The following PLEKHG5 variants were observed in gnomAD, a reference collection of about 807,000 sequenced individuals.
PLEKHG5 encodes pleckstrin homology and RhoGEF domain containing G5, also known as pleckstrin homology domain-containing family G member 5.
A neutral mutation model predicts 103.8 loss-of-function variants in PLEKHG5; 52 were observed. That is an observed-to-expected ratio of 0.50 (90% CI 0.40 to 0.63). PLEKHG5 has a LOEUF of 0.63. Ranked by LOEUF, PLEKHG5 falls within the 30% of genes least tolerant of loss-of-function variation. PLEKHG5 has a pLI of 0.00. For missense variants in PLEKHG5, 1,205 were observed against 1,347.6 expected (o/e 0.89, Z 1.66); for synonymous variants, 592 against 575.5 (o/e 1.03, Z -0.41).
At chr1:6,478,119 C>T (rs532053676) in intron 1 of PLEKHG5, among the ~76,000 whole-genome samples, 3 of 152,230 alleles carry the variant, frequency 2.0e-5, no homozygotes, top group African/African-American at 7.2e-5. Context: ...TTCCTGACCT[C>T]GTGAACAGCC....
intron 19 of PLEKHG5, 91 bp downstream of exon 19, chr1:6,468,951 G>T: frequency 1.9e-6 from 2 of 1,074,326 alleles, no homozygotes; most frequent in Non-Finnish European, 2.9e-6. Context: ...AGAGGCCATT[G>T]GGAGGAAGGG....
At chr1:6,467,763 A>T in intron 20 of PLEKHG5, 62 bp downstream of exon 20, 3 of 1,584,856 alleles carry the variant, frequency 1.9e-6, no homozygotes, top group Non-Finnish European at 1.7e-6. Context: ...GCTCCCAGGC[A>T]TGAGTGGGCC....
intron 6 of PLEKHG5, 54 bp from the exon 7 acceptor site, chr1:6,474,218 G>A: frequency 3.1e-6 from 5 of 1,593,538 alleles, no homozygotes; most frequent in Non-Finnish European, 4.3e-6. Flanking sequence ...TGGAGGAGGG[G>A]GTCCCCGGTC....
rs778796095 is a variant in PLEKHG5, at chr1:6,505,487, CA to C, written c.-164-8919del. Among the ~76,000 whole-genome samples, 8 of 152,310 alleles carry C rather than the reference CA, an allele frequency of 5.3e-5. No individual in the cohort carries two copies. Among genetic ancestry groups the C allele is most frequent in the Non-Finnish European group, 1.0e-4 (7 of 68,020 alleles). On this transcript the variant is annotated intron_variant, in intron 1 of 21. Transcript: ENST00000377740. The surrounding 1 kb of genome is among the most constrained non-coding windows in gnomAD (Gnocchi z 4.2). ...TCACAGCTCCCCAACCTCTCACCCC[CA>C]GGAGCAGTCCAACGTCCCACCCCTC...
At position 6,485,389 on chromosome 1, in the gene PLEKHG5, C is replaced by T. The variant is rs1330480085; in HGVS notation, c.-88+6248G>A. The T allele has an allele frequency of 3.6e-6, 5 of 1,394,312 alleles. No individual in the cohort carries two copies. In the African/African-American group the frequency reaches 7.6e-5, roughly 21 times the overall value. 86.4% of individuals were successfully genotyped at this position (1,394,312 alleles called of 1,614,324 possible). Reference sequence around the variant, plus strand: ...GGCTCCGAGTCCCGGAGGGGCAGCCCCGGGCCCGGCCTGGAGGCTGCTAGG... The same window carrying T: ...GGCTCCGAGTCCCGGAGGGGCAGCCTCGGGCCCGGCCTGGAGGCTGCTAGG... On this transcript the variant is annotated intron_variant, in intron 1 of 20. Transcript: ENST00000377728.
upstream of PLEKHG5, among the ~76,000 whole-genome samples, chr1:6,499,290 G>A (rs1233074070): frequency 6.6e-6 from 1 of 152,108 alleles, no homozygotes; most frequent in Non-Finnish European, 1.5e-5. Context: ...AGCCACCATC[G>A]GGCCTGACTA....
In PLEKHG5 at chr1:6,469,175, C is replaced by G. The variant is rs1460967251; in HGVS notation, c.2116G>C (p.Glu706Gln). ...GSQQPLQSLE[E>Q]EEDEQEEEEE... is the part of the protein sequence containing the mutation. The stretch of plus-strand genomic sequence containing the variant: ...TCCTCCTCCTGCTCATCCTCCTCCT[C>G]TTCCAGGCTCTGCAGGGGCTGCTGA... The change falls in exon 19 of 21, where the codon GAG (glutamate) becomes CAG (glutamine). Residue 706 changes from glutamate to glutamine, a missense_variant. By Grantham distance (29) the Glu-to-Gln change is conservative. Transcript: ENST00000377728. 1 of 1,613,174 alleles carries G rather than the reference C, an allele frequency of 6.2e-7. No homozygotes were observed. Among genetic ancestry groups the G allele is most frequent in the Non-Finnish European group, 8.5e-7 (1 of 1,179,942 alleles).
intron 1 of PLEKHG5, among the ~76,000 whole-genome samples, chr1:6,508,215 T>C (rs1638377810): frequency 6.6e-6 from 1 of 152,100 alleles, no homozygotes; most frequent in South Asian, 2.1e-4. Flanking sequence ...CATTTCGGGC[T>C]CGGAGGCTGA....
rs199507086 is a variant in PLEKHG5 at position 6,474,199 on chromosome 1, C to T, written c.440-35G>A. The T allele has an allele frequency of 1.9e-6, 3 of 1,611,638 alleles. No individual in the cohort carries two copies. The East Asian group carries it at 6.7e-5, about 36-fold the overall frequency. On this transcript the variant is annotated intron_variant, in intron 6 of 20. Transcript: ENST00000377728. ...GGGGCCACGAGAGATCCTCAGTACCCTGGTCTGGTGGAGGAGGGGGTCCCC... is the reference window on the plus strand; with the variant it reads ...GGGGCCACGAGAGATCCTCAGTACCTTGGTCTGGTGGAGGAGGGGGTCCCC...
intron 6 of PLEKHG5, 113 bp from the exon 7 acceptor site, chr1:6,474,277 A>G: frequency 3.7e-6 from 5 of 1,347,666 alleles, no homozygotes; most frequent in Non-Finnish European, 5.2e-6. Flanking sequence ...CTCCCCCGAC[A>G]GCCCCGCCCT....
rs552167563 is a variant in PLEKHG5, at chr1:6,485,905, A to C, written c.-88+5732T>G. Reference sequence around the variant, plus strand: ...CCTCCTCAACACCAATGCCGGGCTCAGAGGGCTCCTCAGAACTTGCTCTTT... The same window carrying C: ...CCTCCTCAACACCAATGCCGGGCTCCGAGGGCTCCTCAGAACTTGCTCTTT... On this transcript the variant is annotated intron_variant, in intron 1 of 20. Transcript: ENST00000377728. 5 of 986,140 alleles carry C rather than the reference A, an allele frequency of 5.1e-6. No homozygotes were observed. The East Asian group carries it at 4.5e-4, about 89-fold the overall frequency. 61.1% of individuals were successfully genotyped at this position (986,140 alleles called of 1,614,324 possible). A position where few individuals can be genotyped will look rare whatever the true frequency, so the allele number is the denominator to read the frequency against.
intron 12 of PLEKHG5, 31 bp downstream of exon 12, chr1:6,471,457 T>A (rs1307879246): frequency 6.3e-7 from 1 of 1,599,132 alleles, no homozygotes; most frequent in Non-Finnish European, 8.5e-7. Flanking sequence ...CCTGCCTCAG[T>A]GCCCCCGCCT....
At chr1:6,506,931 C>A (rs1331684948) in intron 1 of PLEKHG5, among the ~76,000 whole-genome samples, 1 of 152,230 alleles carries the variant, frequency 6.6e-6, no homozygotes, top group Non-Finnish European at 1.5e-5. Flanking sequence ...GGCAGCCGAA[C>A]CTCTGGCATC....
Position 6,467,902 on chromosome 1 carries a change from G to A in PLEKHG5, c.2934C>T (p.Ala978=). ...GGGCCAGGGTCAGCTTCCTGTGCTGGGCAGAGACCCCTGGTGGGGGCTCAG... is the reference window on the plus strand; with the variant it reads ...GGGCCAGGGTCAGCTTCCTGTGCTGAGCAGAGACCCCTGGTGGGGGCTCAG... ...VQPEPPPGVS[A]QHRKLTLAQL... Residue 978 remains alanine, a synonymous_variant, in exon 20 of 21, where the codon GCC becomes GCT. Coordinates refer to ENST00000377728, the MANE Select transcript of PLEKHG5 (RefSeq NM_020631.6). The A allele has an allele frequency of 1.2e-6, 2 of 1,607,228 alleles. No individual in the cohort carries two copies. Among genetic ancestry groups the A allele is most frequent in the Non-Finnish European group, 1.7e-6 (2 of 1,177,216 alleles).
At chr1:6,500,370 C>T (rs1457025704), upstream of PLEKHG5, among the ~76,000 whole-genome samples, 10 of 152,072 alleles carry the variant, frequency 6.6e-5, no homozygotes, top group African/African-American at 2.4e-4. Context: ...GGGCAGCTCT[C>T]GGGGTGGCAG....
At chr1:6,513,414 C>T (rs1456362602) in intron 1 of PLEKHG5, among the ~76,000 whole-genome samples, 1 of 152,242 alleles carries the variant, frequency 6.6e-6, no homozygotes, top group Admixed American at 6.5e-5. Context: ...AAACCTGGTC[C>T]CCTTGGAGAA....
intron 5 of PLEKHG5, 33 bp from the exon 6 acceptor site, chr1:6,474,620 A>T: frequency 1.9e-6 from 3 of 1,611,622 alleles, no homozygotes; most frequent in Non-Finnish European, 2.5e-6. Context: ...GTGTGTTAGA[A>T]CCAGGCGGCC....
chr1:6,496,053 C>T (rs963238481), upstream of PLEKHG5, among the ~76,000 whole-genome samples: 1 of 152,218 alleles, frequency 6.6e-6, no homozygotes, highest in Non-Finnish European at 1.5e-5. Context: ...TGGTCACACT[C>T]GCCAAGTCCC....
rs186950731 is a variant in PLEKHG5, at chr1:6,505,527, C to T, written c.-164-8958G>A. On this transcript the variant is annotated intron_variant, in intron 1 of 21. Coordinates refer to the PLEKHG5 transcript ENST00000377740. The surrounding 1 kb of genome is among the most constrained non-coding windows in gnomAD (Gnocchi z 4.2). ...GTCCCACCCCTCTAAACACAAGCCA[C>T]GGGGCTCAGCGTCCCCGAGAGCTCA... Among the ~76,000 whole-genome samples the T allele has an allele frequency of 2.9e-4, 44 of 152,290 alleles. No individual in the cohort carries two copies. The highest frequency in any genetic ancestry group is 1.0e-3 in the African/African-American group (42 of 41,548).
Sources: allele counts gnomAD v4.1 joint callset (sites outside exome capture counted in the v4.1 genomes callset), GRCh38; gene constraint gnomAD v4.1.1; non-coding constraint Gnocchi (gnomAD v3.1); transcripts MANE v1.5; gene names NCBI Gene and HGNC (gene_info 2026-07-23, HGNC 2026-07-21).